CCDC57: variants seen among roughly 807,000 people sequenced by gnomAD.
The protein encoded by CCDC57 is coiled-coil domain-containing protein 57.
In CCDC57, 118 loss-of-function variants were observed where a neutral mutation model predicts 118.9. The ratio of observed to expected loss-of-function variants is 0.99; its 90% CI spans 0.86 to 1.16. The LOEUF is 1.16. Ranked by LOEUF, CCDC57 falls within the 50% of genes most tolerant of loss-of-function variation. The pLI, the probability that CCDC57 is intolerant of heterozygous loss-of-function variation, is 0.00. For missense variants in CCDC57, 1,300 were observed against 1,320.7 expected (o/e 0.98, Z 0.24); for synonymous variants, 527 against 532.9 (o/e 0.99, Z 0.15).
chr17:82,155,057 G>A (rs889773995), intron 15 of CCDC57: 1 of 152,294 alleles, frequency 6.6e-6, no homozygotes, highest in African/African-American at 2.4e-5. Flanking sequence ...CCCCGAGCGC[G>A]AGTCTGTGCC....
chr17:82,186,023 T>C (rs752552723), intron 8 of CCDC57, among the ~76,000 whole-genome samples: 2 of 152,034 alleles, frequency 1.3e-5, no homozygotes, highest in Admixed American at 6.6e-5. Context: ...TGGGTAGACA[T>C]AGGGTCTTGT....
chr17:82,136,028 C>T (rs575255462), intron 16 of CCDC57, among the ~76,000 whole-genome samples: 6 of 152,246 alleles, frequency 3.9e-5, no homozygotes, highest in East Asian at 1.9e-4. Context: ...TCAGAACCTT[C>T]GTGCGCAGCT....
intron 13 of CCDC57, among the ~76,000 whole-genome samples, chr17:82,170,748 C>T (rs916520063): frequency 2.0e-5 from 3 of 152,150 alleles, no homozygotes; most frequent in Non-Finnish European, 4.4e-5. Flanking sequence ...TGTTGAGTTA[C>T]GGCAGCCCTA....
At chr17:82,148,892 T>TTAGACGGA (rs1330358382) in intron 16 of CCDC57, among the ~76,000 whole-genome samples, 93 of 58,154 alleles carry the variant, frequency 1.6e-3, no homozygotes, top group South Asian at 3.5e-3. Context: ...GGTTGGATGG[T>TTAGACGGA]TGGATGGATG....
exon 8 of CCDC57, chr17:82,188,338 C>G: frequency 3.7e-6 from 6 of 1,609,558 alleles, no homozygotes; most frequent in Non-Finnish European, 5.1e-6. Context: ...TCTGCAGCTC[C>G]TGCAGCTGCT....
intron 18 of CCDC57, 100 bp from the exon 18 acceptor site, chr17:82,128,008 G>A (rs1168289152): frequency 1.2e-5 from 18 of 1,499,790 alleles, no homozygotes; most frequent in Non-Finnish European, 3.5e-6. Flanking sequence ...AGGCGACAGT[G>A]GGCCTGGCTT....
intron 5 of CCDC57, 51 bp from the exon 5 acceptor site, chr17:82,194,190 G>A (rs1294547504): frequency 6.4e-7 from 1 of 1,569,986 alleles, no homozygotes; most frequent in Admixed American, 1.7e-5. Flanking sequence ...AGAAGACACT[G>A]AGGCATTAGG....
intron 13 of CCDC57, among the ~76,000 whole-genome samples, chr17:82,164,067 A>G (rs2043670855): frequency 6.6e-6 from 1 of 151,970 alleles, no homozygotes; most frequent in Non-Finnish European, 1.5e-5. Context: ...TAAATTTAAA[A>G]AGAATGACCA....
chr17:82,161,965 AACT>A (rs1162533058), intron 14 of CCDC57, among the ~76,000 whole-genome samples: 4 of 151,778 alleles, frequency 2.6e-5, no homozygotes, highest in African/African-American at 9.7e-5. Context: ...CAAAATGGTA[AACT>A]TTGTTATATA....
intron 2 of CCDC57, among the ~76,000 whole-genome samples, chr17:82,204,946 T>C (rs1420386538): frequency 2.0e-5 from 3 of 152,218 alleles, no homozygotes; most frequent in Non-Finnish European, 1.5e-5. Flanking sequence ...CTCCTGCCAG[T>C]GGGACCTCAA....
At chr17:82,204,779 T>C (rs1308572522) in intron 2 of CCDC57, among the ~76,000 whole-genome samples, 4 of 151,286 alleles carry the variant, frequency 2.6e-5, no homozygotes, top group Non-Finnish European at 4.4e-5. Context: ...AGAGACTCCA[T>C]CTCAAGAAAA....
chr17:82,152,198 C>T (rs1013832213), intron 15 of CCDC57: 12 of 195,826 alleles, frequency 6.1e-5, no homozygotes, highest in South Asian at 2.7e-4. Flanking sequence ...CCCAGGAAGG[C>T]GGCCCAGGGA....
At chr17:82,152,980 C>G (rs2042241103) in intron 15 of CCDC57, among the ~76,000 whole-genome samples, 1 of 152,232 alleles carries the variant, frequency 6.6e-6, no homozygotes, top group South Asian at 2.1e-4. Flanking sequence ...CCGCAGGCCC[C>G]AGCTGAGGAC....
intron 19 of CCDC57, among the ~76,000 whole-genome samples, chr17:82,123,844 C>T (rs1252654213): frequency 1.3e-5 from 2 of 152,000 alleles, no homozygotes; most frequent in African/African-American, 4.8e-5. Context: ...ATTTATGAGA[C>T]ATGGTTAAAG....
At chr17:82,159,636 G>A (rs1344961626) in intron 14 of CCDC57, among the ~76,000 whole-genome samples, 2 of 151,638 alleles carry the variant, frequency 1.3e-5, no homozygotes, top group Non-Finnish European at 2.9e-5. Context: ...ACATCATGTC[G>A]CATACCATAG....
intron 8 of CCDC57, among the ~76,000 whole-genome samples, 164 bp downstream of exon 7, chr17:82,188,051 CAAAA>C (rs11346964): frequency 1.6e-5 from 2 of 124,410 alleles, no homozygotes; most frequent in African/African-American, 3.0e-5. Flanking sequence ...AAAGAAAAGG[CAAAA>C]AAAAAAAAAA....
intron 1 of CCDC57, among the ~76,000 whole-genome samples, chr17:82,211,361 A>G (rs938013697): frequency 6.6e-6 from 1 of 152,174 alleles, no homozygotes; most frequent in Non-Finnish European, 1.5e-5. Context: ...AAAGTCATCC[A>G]TGAGGTAGCT....
At chr17:82,130,022 C>A (rs749612563) in intron 17 of CCDC57, among the ~76,000 whole-genome samples, 1 of 151,972 alleles carries the variant, frequency 6.6e-6, no homozygotes, top group Non-Finnish European at 1.5e-5. Flanking sequence ...CATATTGAGA[C>A]CCCCTATCTG....
chr17:82,184,027 GCGCGCACACACACACACACACACACA>G (rs1415826302), intron 8 of CCDC57, 95 bp from the exon 8 acceptor site: 29 of 328,638 alleles, frequency 8.8e-5, no homozygotes, highest in Middle Eastern at 4.7e-4. Flanking sequence ...GCGCGCGCGC[GCGCGCACACACACACACACACACACA>G]CACACACACA....
Sources: allele counts gnomAD v4.1 joint callset (sites outside exome capture counted in the v4.1 genomes callset), GRCh38; gene constraint gnomAD v4.1.1; transcripts MANE v1.5; gene names NCBI Gene and HGNC (gene_info 2026-07-23, HGNC 2026-07-21).